FTH1: variants seen among roughly 807,000 people sequenced by gnomAD.
FTH1 encodes ferritin heavy chain 1, also known as ferritin heavy chain.
FTH1 carries 3 observed loss-of-function variants against 21.8 expected under a neutral mutation model. The ratio of observed to expected loss-of-function variants is 0.14; its 90% CI spans 0.06 to 0.36. The LOEUF (loss-of-function observed/expected upper bound fraction) is 0.36, where lower values mean the gene tolerates loss of function less well. Among genes scored for constraint, FTH1 ranks in the 10% least tolerant of loss-of-function variants. The pLI is 1.00. For missense variants in FTH1, 147 were observed against 225.8 expected, an observed-to-expected ratio of 0.65 and a Z score of 2.24; for synonymous variants, 83 against 90.1, an observed-to-expected ratio of 0.92 and a Z score of 0.45.
chr11:61,965,126 G>A lies in FTH1; in HGVS notation c.262-14C>T, dbSNP rs12270214. 7 of 1,603,008 alleles carry A rather than the reference G, an allele frequency of 4.4e-6. No homozygotes were observed. The African/African-American group carries it at 8.0e-5, about 18-fold the overall frequency. On this transcript the variant is annotated splice_polypyrimidine_tract_variant and intron_variant, in intron 2 of 3. Transcript: ENST00000273550. Reference sequence around the variant, plus strand: ...ACAGTCTGGTTTCTGAATGAGAATAGGTTAATGCATCTCTACCAACTAACC... The same window carrying A: ...ACAGTCTGGTTTCTGAATGAGAATAAGTTAATGCATCTCTACCAACTAACC...
At chr11:61,967,155 C>T in intron 1 of FTH1, 157 bp downstream of exon 1, 1 of 449,688 alleles carries the variant, frequency 2.2e-6, no homozygotes, top group South Asian at 4.0e-5. Flanking sequence ...ACTTTCTGCG[C>T]CAGAGAAGTC....
intron 1 of FTH1, among the ~76,000 whole-genome samples, chr11:61,966,169 G>C (rs1234800079): frequency 6.6e-6 from 1 of 152,050 alleles, no homozygotes; most frequent in East Asian, 1.9e-4. Context: ...AGCTACTCAG[G>C]AGCCTGAGGT....
chr11:61,964,339 T>C lies in FTH1; in HGVS notation c.*388A>G. 1.1e-6 allele frequency: 1 copy of C among 925,590 alleles called. No homozygotes were observed. The highest frequency in any genetic ancestry group is 1.6e-6 in the Non-Finnish European group (1 of 632,340). 57.3% of individuals were successfully genotyped at this position (925,590 alleles called of 1,614,324 possible). On this transcript the variant is annotated 3_prime_UTR_variant, in exon 4 of 4. Transcript: ENST00000273550. ...AACTGTGAAAGCTAGACTGAACCAT[T>C]GGAAACATTTAACTCAGACTCTGGA...
At position 61,964,838 on chromosome 11, in the gene FTH1, T is replaced by C. The variant is rs1439051422; in HGVS notation, c.441A>G (p.Lys147=). 6 of 1,601,562 alleles carry C rather than the reference T, an allele frequency of 3.7e-6. No homozygotes were observed. The highest frequency in any genetic ancestry group is 5.1e-6 in the Non-Finnish European group (6 of 1,179,974). Residue 147 remains lysine, a synonymous_variant, in exon 4 of 4, where the codon AAA becomes AAG. Coordinates refer to ENST00000273550, the MANE Select transcript of FTH1 (RefSeq NM_002032.3). ...HYLNEQVKAI[K]ELGDHVTNLR... is the part of the protein sequence containing the mutation. The stretch of plus-strand genomic sequence containing the variant: ...AGTTGGTCACGTGGTCACCCAATTC[T>C]TTGATGGCTTTCACCTGCTCATTCA...
chr11:61,966,070 C>CGAGACCATCCTGGTCAACATGGTG (rs1942452431), intron 1 of FTH1, among the ~76,000 whole-genome samples: 1 of 152,120 alleles, frequency 6.6e-6, no homozygotes, highest in Non-Finnish European at 1.5e-5. Context: ...GTCAGCAGAT[C>CGAGACCATCCTGGTCAACATGGTG]GAGACCATCC....
At chr11:61,967,139 G>GC (rs1300841601) in intron 1 of FTH1, 173 bp downstream of exon 1, 1 of 438,520 alleles carries the variant, frequency 2.3e-6, no homozygotes. Context: ...AGAACCAGCT[G>GC]CCCCGACTTT....
intron 1 of FTH1, chr11:61,965,721 C>A: frequency 1.5e-6 from 1 of 645,342 alleles, no homozygotes; most frequent in Non-Finnish European, 2.8e-6. Flanking sequence ...AAATAGAAAA[C>A]TGAAACTTGA....
At position 61,964,991 on chromosome 11, in the gene FTH1, G is replaced by T; in HGVS notation, c.383C>A (p.Pro128His). The T allele has an allele frequency of 6.2e-7, 1 of 1,614,054 alleles. No individual in the cohort carries two copies. Residue 128 changes from proline (P) to histidine (H), a missense_variant, in exon 3 of 4, where the codon CCC becomes CAC. By Grantham distance (77) the Pro-to-His change is moderately conservative. Coordinates refer to ENST00000273550, the MANE Select transcript of FTH1 (RefSeq NM_002032.3). ...LHKLATDKNDPHLCDFIETHY... is the reference protein window; with the variant it reads ...LHKLATDKNDHHLCDFIETHY... ...TCCTGGGGTTCCAATACTCACATGG[G>T]GGTCATTTTTGTCAGTGGCCAGTTT...
Position 61,964,320 on chromosome 11 carries a change from G to A in FTH1, c.*407C>T, listed in dbSNP as rs1262746042. 6.5e-6 allele frequency: 7 copies of A among 1,070,454 alleles called. No individual in the cohort carries two copies. The highest frequency in any genetic ancestry group is 9.2e-6 in the Non-Finnish European group (7 of 758,082). The allele number at this position is 1,070,454 out of a possible 1,614,324, so 66.3% of individuals were successfully genotyped here. ...AATGCCTTTTATTCATAAAAACTGT[G>A]AAAGCTAGACTGAACCATTGGAAAC... On this transcript the variant is annotated 3_prime_UTR_variant, in exon 4 of 4. Transcript: ENST00000273550.
intron 1 of FTH1, chr11:61,967,049 C>G (rs576056583): frequency 8.8e-5 from 25 of 284,118 alleles, no homozygotes; most frequent in African/African-American, 4.9e-4. Flanking sequence ...GATTTCAGGA[C>G]ACCAAGGTCT....
In FTH1 at chr11:61,965,208, C is replaced by G. The variant is rs561131409; in HGVS notation, c.262-96G>C. The G allele has an allele frequency of 3.8e-6, 6 of 1,594,520 alleles. No homozygotes were observed. In the Admixed American group the frequency reaches 6.7e-5, roughly 18 times the overall value. Reference sequence around the variant, plus strand: ...CCACGTTTTGGCAAAAGGGACATTACTATTTGCCTAATTTAGTTTAGATGG... The same window carrying G: ...CCACGTTTTGGCAAAAGGGACATTAGTATTTGCCTAATTTAGTTTAGATGG... On this transcript the variant is annotated intron_variant, in intron 2 of 3. Coordinates refer to ENST00000273550, the MANE Select transcript of FTH1 (RefSeq NM_002032.3).
In FTH1 at chr11:61,967,437, A is replaced by G. The variant is rs781672849; in HGVS notation, c.-12T>C. On this transcript the variant is annotated 5_prime_UTR_variant, in exon 1 of 4. Coordinates refer to ENST00000273550, the MANE Select transcript of FTH1 (RefSeq NM_002032.3). ...GACGCGGTCGTCATGGCGGCGACTA[A>G]GGAGAGGCGGCGGCGGCGGCGGTGG... 1 of 1,579,460 alleles carries G rather than the reference A, an allele frequency of 6.3e-7. No homozygotes were observed. The highest frequency in any genetic ancestry group is 8.6e-7 in the Non-Finnish European group (1 of 1,161,438).
chr11:61,967,333 G>C lies in FTH1; in HGVS notation c.93C>G (p.Ala31=). 1 of 1,604,410 alleles carries C rather than the reference G, an allele frequency of 6.2e-7. No individual in the cohort carries two copies. Among genetic ancestry groups the C allele is most frequent in the Non-Finnish European group, 8.5e-7 (1 of 1,175,242 alleles). The part of the protein sequence containing the change: ...INRQINLELY[A]SYVYLSMSYY... ...TCACCATGGACAGGTAAACGTAGGA[G>C]GCGTAGAGCTCCAGGTTGATCTGGC... The change falls in exon 1 of 4, where the codon GCC becomes GCG. Residue 31 remains alanine (A), a synonymous_variant. Transcript: ENST00000273550.
In FTH1 at chr11:61,967,372, C is replaced by T. The variant is rs766424142; in HGVS notation, c.54G>A (p.Glu18=). 1 of 1,607,394 alleles carries T rather than the reference C, an allele frequency of 6.2e-7. No homozygotes were observed. Among genetic ancestry groups the T allele is most frequent in the Non-Finnish European group, 8.5e-7 (1 of 1,177,250 alleles). Residue 18 remains glutamate (E), a synonymous_variant, in exon 1 of 4, where the codon GAG becomes GAA. Transcript: ENST00000273550. ...QVRQNYHQDS[E]AAINRQINLE... ...GGTTGATCTGGCGGTTGATGGCGGC[C>T]TCTGAGTCCTGGTGGTAGTTCTGGC...
intron 1 of FTH1, among the ~76,000 whole-genome samples, chr11:61,966,685 G>A (rs1164501239): frequency 2.0e-5 from 3 of 152,130 alleles, no homozygotes; most frequent in Non-Finnish European, 2.9e-5. Flanking sequence ...GATAAATTAG[G>A]TCCCCTAGGC....
rs1382108298 is a variant in FTH1, at chr11:61,964,480, T to C, written c.*247A>G. 1 of 621,568 alleles carries C rather than the reference T, an allele frequency of 1.6e-6. No individual in the cohort carries two copies. The highest frequency in any genetic ancestry group is 2.9e-5 in the Admixed American group (1 of 34,132). 38.5% of individuals were successfully genotyped at this position (621,568 alleles called of 1,614,324 possible). ...ACTCGTTTCTTTTTGATTAGTGTGA[T>C]TAGAACTGAACAACGGCACTTAAGG... On this transcript the variant is annotated 3_prime_UTR_variant, in exon 4 of 4. Coordinates refer to ENST00000273550, the MANE Select transcript of FTH1 (RefSeq NM_002032.3).
intron 1 of FTH1, 86 bp from the exon 2 acceptor site, chr11:61,965,601 G>C (rs369880060): frequency 2.8e-6 from 4 of 1,452,994 alleles, no homozygotes; most frequent in Non-Finnish European, 2.9e-6. Flanking sequence ...AGATGGTCTC[G>C]TCAGCCTAGG....
intron 1 of FTH1, chr11:61,967,032 A>G (rs1269135433): frequency 7.8e-6 from 2 of 255,434 alleles, no homozygotes; most frequent in East Asian, 1.8e-4. Context: ...CAGTCTTGCA[A>G]CCCCAGGATT....
At chr11:61,964,926 CT>C (rs760826866) in intron 3 of FTH1, 35 bp from the exon 4 acceptor site, 9 of 1,613,652 alleles carry the variant, frequency 5.6e-6, no homozygotes, top group Non-Finnish European at 7.6e-6. Context: ...TAGTGGGCAG[CT>C]TTCCCAATCC....
Sources: allele counts gnomAD v4.1 joint callset (sites outside exome capture counted in the v4.1 genomes callset), GRCh38; gene constraint gnomAD v4.1.1; transcripts MANE v1.5; gene names NCBI Gene and HGNC (gene_info 2026-07-23, HGNC 2026-07-21).